USP12: variants seen among roughly 807,000 people sequenced by gnomAD.
The protein encoded by USP12 is ubiquitin carboxyl-terminal hydrolase 12.
Under a neutral mutation model 45.5 loss-of-function variants are expected in USP12, and 19 were observed. The observed-to-expected ratio is 0.42, with a 90% CI of 0.29 to 0.61. The LOEUF (loss-of-function observed/expected upper bound fraction) is 0.61, where lower values mean the gene tolerates loss of function less well. Among genes scored for constraint, USP12 ranks in the 20% least tolerant of loss-of-function variants. The pLI is 0.22. For missense variants in USP12, 242 were observed against 447.7 expected (o/e 0.54, Z 4.15); for synonymous variants, 149 against 148.8 (o/e 1.00, Z -0.01).
rs1225603277 is a variant in USP12 at position 27,089,890 on chromosome 13, G to C, written c.727C>G (p.His243Asp). ...CEECRSKQEA[H>D]KRMKVKKLPM... ...ATAAAGCTCTAAAATTACCGTTTGT[G>C]TGCTTCCTGTTTGCTGCGACACTCT... Residue 243 changes from histidine to aspartate, a missense_variant, in exon 6 of 9, where the codon CAC becomes GAC. By Grantham distance (81) the His-to-Asp change is moderately conservative (BLOSUM62 -1). Transcript: ENST00000282344. 1.2e-6 allele frequency: 2 copies of C among 1,610,000 alleles called. No homozygotes were observed.
intron 1 of USP12, among the ~76,000 whole-genome samples, chr13:27,126,629 C>G (rs1017521356): frequency 6.6e-6 from 1 of 152,174 alleles, no homozygotes; most frequent in Non-Finnish European, 1.5e-5. Flanking sequence ...ATAAACTAAA[C>G]TACTGAGCCA....
At chr13:27,158,016 T>C (rs1877919157) in intron 1 of USP12, among the ~76,000 whole-genome samples, 1 of 152,246 alleles carries the variant, frequency 6.6e-6, no homozygotes, top group Non-Finnish European at 1.5e-5. Context: ...GATTGCGCCA[T>C]TAGTTTTACT....
At chr13:27,161,304 G>C (rs1878097676) in intron 1 of USP12, among the ~76,000 whole-genome samples, 1 of 152,112 alleles carries the variant, frequency 6.6e-6, no homozygotes, top group East Asian at 1.9e-4. Context: ...CACATACAAA[G>C]CAGAATAAAT....
At chr13:27,159,053 G>A (rs904803830) in intron 1 of USP12, among the ~76,000 whole-genome samples, 10 of 152,082 alleles carry the variant, frequency 6.6e-5, no homozygotes, top group Non-Finnish European at 1.2e-4. Context: ...GGGAAAGGGC[G>A]GCCCCTCTTC....
intron 6 of USP12, among the ~76,000 whole-genome samples, chr13:27,082,818 C>T (rs1473894602): frequency 1.3e-5 from 2 of 152,274 alleles, no homozygotes; most frequent in South Asian, 2.1e-4. Flanking sequence ...GCAGTCAGAA[C>T]GCACAACATT....
chr13:27,153,893 G>A (rs1877696845), intron 1 of USP12, among the ~76,000 whole-genome samples: 2 of 152,250 alleles, frequency 1.3e-5, no homozygotes, highest in East Asian at 3.9e-4. Flanking sequence ...TAGAAGTCCA[G>A]GCTCTATGTT....
At chr13:27,122,489 G>A (rs371874632) in intron 1 of USP12, among the ~76,000 whole-genome samples, 22 of 149,284 alleles carry the variant, frequency 1.5e-4, no homozygotes, top group Admixed American at 7.3e-4. Context: ...CATCTTTACC[G>A]AAAATACAAA....
chr13:27,110,026 G>A (rs1875355188), intron 2 of USP12, among the ~76,000 whole-genome samples: 1 of 148,764 alleles, frequency 6.7e-6, no homozygotes. Flanking sequence ...ATCATTAGGT[G>A]ATCATATTTT....
At chr13:27,103,435 G>A (rs1249573061) in intron 3 of USP12, among the ~76,000 whole-genome samples, 1 of 151,766 alleles carries the variant, frequency 6.6e-6, no homozygotes, top group Non-Finnish European at 1.5e-5. Flanking sequence ...TTTCTATTAA[G>A]CATTATTTCT....
rs1245014384 is a variant in USP12 at position 27,118,641 on chromosome 13, C to A, written c.49-2045G>T. On this transcript the variant is annotated intron_variant, in intron 1 of 8. Transcript: ENST00000282344. ...CCTGTTGTAAAAATTCAAACTGATACTGGCTTATTCAAATGAGTATAATCC... is the reference window on the plus strand; with the variant it reads ...CCTGTTGTAAAAATTCAAACTGATAATGGCTTATTCAAATGAGTATAATCC... 2.0e-5 allele frequency among the ~76,000 whole-genome samples: 3 copies of A among 152,252 alleles called. No individual in the cohort carries two copies. In the East Asian group the frequency reaches 5.8e-4, roughly 29 times the overall value.
chr13:27,164,759 C>T (rs1878277324), intron 1 of USP12, among the ~76,000 whole-genome samples: 1 of 152,186 alleles, frequency 6.6e-6, no homozygotes, highest in Admixed American at 6.5e-5. Context: ...CAACTCTTCA[C>T]TTACTACTTT....
chr13:27,142,089 T>C (rs1415044415), intron 1 of USP12, among the ~76,000 whole-genome samples: 1 of 152,008 alleles, frequency 6.6e-6, no homozygotes, highest in Non-Finnish European at 1.5e-5. Context: ...GCCACTACAC[T>C]CCAGCCTGGG....
chr13:27,162,840 T>C (rs1183470596), intron 1 of USP12: 2 of 152,232 alleles, frequency 1.3e-5, no homozygotes, highest in Non-Finnish European at 2.9e-5. Flanking sequence ...ATTTTGTTTT[T>C]CCTATTTTCC....
intron 3 of USP12, among the ~76,000 whole-genome samples, chr13:27,101,049 G>A (rs1012160339): frequency 2.6e-5 from 4 of 152,154 alleles, no homozygotes; most frequent in Admixed American, 6.5e-5. Flanking sequence ...TTTTCTGGAT[G>A]CTCTTTTAAC....
intron 1 of USP12, among the ~76,000 whole-genome samples, chr13:27,151,329 G>GA (rs1215096507): frequency 6.6e-6 from 1 of 151,734 alleles, no homozygotes; most frequent in South Asian, 2.1e-4. Context: ...AAGGAAAAGA[G>GA]AAAAAAAATT....
At chr13:27,160,904 T>C (rs116950483) in intron 1 of USP12, among the ~76,000 whole-genome samples, 2,415 of 152,198 alleles carry the variant, frequency 0.016, 29 homozygotes, top group Non-Finnish European at 0.024. Context: ...CTCCCCGGGT[T>C]AAGCCCAGCA....
At chr13:27,168,327 G>T (rs954272106) in intron 1 of USP12, among the ~76,000 whole-genome samples, 2 of 152,196 alleles carry the variant, frequency 1.3e-5, no homozygotes, top group South Asian at 4.1e-4. Context: ...AACAGGAAGA[G>T]ACAATAATGA....
At chr13:27,108,050 T>A (rs1875229489) in intron 2 of USP12, among the ~76,000 whole-genome samples, 1 of 152,182 alleles carries the variant, frequency 6.6e-6, no homozygotes, top group South Asian at 2.1e-4. Flanking sequence ...CCCAAAGGAC[T>A]ACAAATCATG....
intron 2 of USP12, among the ~76,000 whole-genome samples, chr13:27,115,601 T>A (rs531109032): frequency 3.3e-5 from 5 of 152,222 alleles, no homozygotes; most frequent in Non-Finnish European, 7.3e-5. Context: ...TAAAATAAAC[T>A]ACCACAACAA....
Sources: gnomAD v4.1 joint callset for allele counts (sites outside exome capture counted in the v4.1 genomes callset) on GRCh38, gnomAD v4.1.1 for gene constraint, MANE v1.5 for transcripts, NCBI Gene and HGNC (gene_info 2026-07-23, HGNC 2026-07-21) for gene names.